Variants in AGBL1 observed in about 807,000 individuals in gnomAD.
The protein encoded by AGBL1 is AGBL carboxypeptidase 1, also known as cytosolic carboxypeptidase 4.
A neutral mutation model predicts 118.9 loss-of-function variants in AGBL1; 130 were observed. That is an observed-to-expected ratio of 1.09 (90% CI 0.95 to 1.26). The LOEUF is 1.26. Among genes scored for constraint, AGBL1 ranks in the 50% most tolerant of loss-of-function variants. The pLI is 0.00. For synonymous variants in AGBL1, 555 were observed against 478.9 expected (o/e 1.16, Z -2.08); for missense variants, 1,584 against 1,298.1 (o/e 1.22, Z -3.38).
chr15:86,237,056 A>G (rs1174083489), intron 6 of AGBL1, among the ~76,000 whole-genome samples: 1 of 151,456 alleles, frequency 6.6e-6, no homozygotes, highest in Non-Finnish European at 1.5e-5. Context: ...CCACATTTGC[A>G]TATCAAAGCT....
chr15:86,339,167 A>T (rs999069601), intron 17 of AGBL1, among the ~76,000 whole-genome samples: 1 of 152,156 alleles, frequency 6.6e-6, no homozygotes, highest in South Asian at 2.1e-4. Context: ...GCACTTGAAG[A>T]ATATTGTGCC....
At chr15:86,855,050 C>T (rs1480535629) in intron 22 of AGBL1, among the ~76,000 whole-genome samples, 2 of 152,288 alleles carry the variant, frequency 1.3e-5, no homozygotes, top group Non-Finnish European at 2.9e-5. Context: ...TAAGGGCACG[C>T]AGAGACAGGG....
At chr15:86,419,908 C>G (rs1661209296) in intron 18 of AGBL1, among the ~76,000 whole-genome samples, 1 of 152,192 alleles carries the variant, frequency 6.6e-6, no homozygotes, top group African/African-American at 2.4e-5. Flanking sequence ...CAGACTGCCT[C>G]TCTAGATTCC....
intron 18 of AGBL1, among the ~76,000 whole-genome samples, chr15:86,434,847 A>C (rs2081981480): frequency 1.3e-5 from 2 of 152,218 alleles, no homozygotes; most frequent in African/African-American, 4.8e-5. Context: ...CTCTCAGAAG[A>C]GGTTTATAGT....
intron 1 of AGBL1, among the ~76,000 whole-genome samples, chr15:86,098,460 T>C (rs1342552793): frequency 6.6e-6 from 1 of 152,196 alleles, no homozygotes; most frequent in Non-Finnish European, 1.5e-5. Flanking sequence ...TATGTTTAAG[T>C]CTTTAATCCA....
At chr15:86,151,395 A>C (rs2077108382) in intron 3 of AGBL1, among the ~76,000 whole-genome samples, 1 of 152,168 alleles carries the variant, frequency 6.6e-6, no homozygotes, top group South Asian at 2.1e-4. Context: ...AATAAATGTA[A>C]TCCATCACAT....
intron 18 of AGBL1, among the ~76,000 whole-genome samples, chr15:86,475,938 G>T (rs921154372): frequency 2.2e-4 from 33 of 152,162 alleles, no homozygotes; most frequent in Non-Finnish European, 7.3e-5. Context: ...TTAAAGAAAC[G>T]AATTTTCAAC....
chr15:86,622,663 A>C, intron 21 of AGBL1, among the ~76,000 whole-genome samples: 1 of 152,140 alleles, frequency 6.6e-6, no homozygotes, highest in East Asian at 1.9e-4. Context: ...ACTGGGGGAC[A>C]CACGTTCTAG....
intron 6 of AGBL1, among the ~76,000 whole-genome samples, chr15:86,229,078 T>C (rs910462994): frequency 1.3e-5 from 2 of 152,224 alleles, no homozygotes; most frequent in Non-Finnish European, 2.9e-5. Context: ...CAAACACATT[T>C]AGCTTTTTAT....
At chr15:86,491,459 T>C (rs1319161487) in intron 18 of AGBL1, among the ~76,000 whole-genome samples, 1 of 152,112 alleles carries the variant, frequency 6.6e-6, no homozygotes, top group African/African-American at 2.4e-5. Context: ...CTGTGAGGCT[T>C]TCAGGCAGGG....
chr15:86,210,461 G>A (rs2078073105), intron 5 of AGBL1, among the ~76,000 whole-genome samples: 1 of 152,180 alleles, frequency 6.6e-6, no homozygotes, highest in South Asian at 2.1e-4. Context: ...CCAATCAAAT[G>A]TATATTTGGT....
At chr15:86,549,040 G>C (rs76164716) in intron 20 of AGBL1, among the ~76,000 whole-genome samples, 167 of 151,992 alleles carry the variant, frequency 1.1e-3, no homozygotes, top group African/African-American at 3.8e-3. Flanking sequence ...TTATTGCAAC[G>C]ACAGCACCAA....
intron 21 of AGBL1, among the ~76,000 whole-genome samples, chr15:86,654,888 G>C (rs899683023): frequency 6.6e-6 from 1 of 152,076 alleles, no homozygotes; most frequent in East Asian, 1.9e-4. Flanking sequence ...CCCAGGCACC[G>C]AGAGATTGCC....
chr15:86,670,690 C>T (rs1596354900), intron 21 of AGBL1, among the ~76,000 whole-genome samples: 1 of 147,400 alleles, frequency 6.8e-6, no homozygotes, highest in Non-Finnish European at 1.5e-5. Context: ...AAGAATAGTA[C>T]ATATATATTA....
chr15:86,948,043 A>G (rs1172215199), intron 23 of AGBL1, among the ~76,000 whole-genome samples: 1 of 152,216 alleles, frequency 6.6e-6, no homozygotes, highest in Non-Finnish European at 1.5e-5. Flanking sequence ...AGAGCCTTTC[A>G]ATTCTGCAAT....
chr15:86,143,595 A>T, intron 2 of AGBL1, 104 bp from the exon 3 acceptor site: 1 of 1,389,116 alleles, frequency 7.2e-7, no homozygotes, highest in Non-Finnish European at 9.8e-7. Flanking sequence ...CGTAGTTGAA[A>T]TGAACTAATT....
intron 5 of AGBL1, 21 bp from the exon 6 acceptor site, chr15:86,224,893 C>T (rs771391025): frequency 2.5e-6 from 4 of 1,612,718 alleles, no homozygotes; most frequent in South Asian, 1.1e-5. Flanking sequence ...TTGACTGTTA[C>T]TTTTCTTTCT....
chr15:86,130,468 G>A lies in AGBL1; in HGVS notation c.52-11536G>A, dbSNP rs903339010. Among the ~76,000 whole-genome samples the A allele has an allele frequency of 5.9e-5, 9 of 152,256 alleles. No homozygotes were observed. The East Asian group carries it at 1.7e-3, about 29-fold the overall frequency. ...CTTAATTGAAACATGAGGAAAGCAA[G>A]TGGGGTCCAGGGAAAGTAAATGGCT... On this transcript the variant is annotated intron_variant, in intron 1 of 22. Transcript: ENST00000614907.
rs944758737 is a variant in AGBL1 at position 87,010,104 on chromosome 15, T to C, written c.3324-18721T>C. Among the ~76,000 whole-genome samples, 5 of 152,220 alleles carry C rather than the reference T, an allele frequency of 3.3e-5. No individual in the cohort carries two copies. The South Asian group carries it at 6.2e-4, about 19-fold the overall frequency. Reference sequence around the variant, plus strand: ...GGGAGGGGCCAGGGGTGGAATGATATGGTTTGGCTGTCTCACCACCCAAAT... The same window carrying C: ...GGGAGGGGCCAGGGGTGGAATGATACGGTTTGGCTGTCTCACCACCCAAAT... On this transcript the variant is annotated intron_variant, in intron 24 of 24. Coordinates refer to the AGBL1 transcript ENST00000441037.
Sources: allele counts gnomAD v4.1 joint callset (sites outside exome capture counted in the v4.1 genomes callset), GRCh38; gene constraint gnomAD v4.1.1; transcripts MANE v1.5; gene names NCBI Gene and HGNC (gene_info 2026-07-23, HGNC 2026-07-21).